The following CYP2C8 variants were observed in gnomAD, a reference collection of about 807,000 sequenced individuals.
CYP2C8 encodes cytochrome P450 family 2 subfamily C member 8.
A neutral mutation model predicts 41.3 loss-of-function variants in CYP2C8; 51 were observed. That is an observed-to-expected ratio of 1.24 (90% confidence interval 0.99 to 1.56). The LOEUF (loss-of-function observed/expected upper bound fraction) is 1.56, where lower values mean the gene tolerates loss of function less well. Ranked by LOEUF, CYP2C8 falls within the 40% of genes most tolerant of loss-of-function variation. CYP2C8 has a pLI of 0.00. For missense variants in CYP2C8, 651 were observed against 579.9 expected (o/e 1.12, Z -1.26); for synonymous variants, 218 against 205.8 (o/e 1.06, Z -0.51).
At chr10:95,047,188 C>T (rs760955066) in intron 5 of CYP2C8, among the ~76,000 whole-genome samples, 53 of 152,184 alleles carry the variant, frequency 3.5e-4, no homozygotes, top group Non-Finnish European at 6.5e-4. Flanking sequence ...CATGCTTGTA[C>T]AGCCTGCAGA....
rs559457460 is a variant in CYP2C8, at chr10:95,060,871, A to T, written c.643-2360T>A. ...AGACTGAAGTGCTGTTGAATTTTTTAAAAGGCCTTTTCTGCATCTATTGAG... is the reference window on the plus strand; with the variant it reads ...AGACTGAAGTGCTGTTGAATTTTTTTAAAGGCCTTTTCTGCATCTATTGAG... On this transcript the variant is annotated intron_variant, in intron 4 of 8. Transcript: ENST00000371270. 6.4e-4 allele frequency among the ~76,000 whole-genome samples: 98 copies of T among 152,182 alleles called. 2 individuals carry two copies. The South Asian group carries it at 0.02, about 30-fold the overall frequency.
At chr10:95,045,178 A>G (rs1470623908) in intron 6 of CYP2C8, among the ~76,000 whole-genome samples, 3 of 152,232 alleles carry the variant, frequency 2.0e-5, no homozygotes, top group Non-Finnish European at 2.9e-5. Context: ...TTCTAAAGAA[A>G]AGTTGTATGT....
At chr10:95,045,673 A>C (rs544611001) in intron 6 of CYP2C8, 137 bp downstream of exon 6, 9 of 1,067,850 alleles carry the variant, frequency 8.4e-6, no homozygotes, top group Non-Finnish European at 1.3e-5. Context: ...TTGTGTCATC[A>C]AATTTAGACA....
chr10:95,062,179 A>T (rs1434016628), intron 4 of CYP2C8, among the ~76,000 whole-genome samples: 1 of 152,132 alleles, frequency 6.6e-6, no homozygotes, highest in African/African-American at 2.4e-5. Context: ...AGCTGAGTTC[A>T]ATTCCTGGAT....
chr10:95,048,812 A>G (rs979593827), intron 5 of CYP2C8, among the ~76,000 whole-genome samples: 1 of 152,202 alleles, frequency 6.6e-6, no homozygotes, highest in African/African-American at 2.4e-5. Flanking sequence ...CACCACATAC[A>G]AAAATTAACT....
intron 5 of CYP2C8, among the ~76,000 whole-genome samples, chr10:95,054,171 A>G (rs1199480135): frequency 1.3e-5 from 2 of 151,998 alleles, no homozygotes; most frequent in African/African-American, 4.8e-5. Flanking sequence ...CAACTTGTAT[A>G]TTATGGATTT....
Position 95,069,360 on chromosome 10 carries a change from G to A in CYP2C8, c.43C>T (p.Leu15Phe), listed in dbSNP as rs1260275686. The change falls in exon 1 of 9, where the codon CTT (leucine) becomes TTT (phenylalanine). Residue 15 changes from leucine to phenylalanine, a missense_variant. Transcript: ENST00000371270. ...CTCTGTCTCCAGAGTGAAAAGAGAA[G>A]CATAAAAGAGAGACACAGCACCAGG... ...VVLVLCLSFM[L>F]LFSLWRQSCR... 1.2e-6 allele frequency: 2 copies of A among 1,614,136 alleles called. No individual in the cohort carries two copies.
At chr10:95,049,228 T>A (rs1178555211) in intron 5 of CYP2C8, among the ~76,000 whole-genome samples, 3 of 152,086 alleles carry the variant, frequency 2.0e-5, no homozygotes, top group Non-Finnish European at 2.9e-5. Context: ...AATTGAATGC[T>A]TCATTGATTA....
At position 95,036,887 on chromosome 10, in the gene CYP2C8, GC is replaced by G. The variant is rs1365448839; in HGVS notation, c.*240del. On this transcript the variant is annotated 3_prime_UTR_variant, in exon 9 of 9. Coordinates refer to ENST00000371270, the MANE Select transcript of CYP2C8 (RefSeq NM_000770.3). ...ACAGTGATAACATATTAAAAAGTCA[GC>G]ATTAGAAAAGTATTAGCATATGCAG... 5.6e-6 allele frequency: 3 copies of G among 531,772 alleles called. No homozygotes were observed. The highest frequency in any genetic ancestry group is 3.8e-5 in the African/African-American group (2 of 52,518). 32.9% of individuals were successfully genotyped at this position (531,772 alleles called of 1,614,324 possible).
At chr10:95,038,679 A>G (rs975381937) in intron 8 of CYP2C8, among the ~76,000 whole-genome samples, 4 of 152,094 alleles carry the variant, frequency 2.6e-5, no homozygotes, top group African/African-American at 9.7e-5. Context: ...TCATTTTCTC[A>G]ATTGGGAACA....
chr10:95,068,752 C>G (rs1329124962), intron 1 of CYP2C8: 2 of 576,974 alleles, frequency 3.5e-6, no homozygotes, highest in African/African-American at 3.9e-5. Context: ...CTATTTCTGA[C>G]AATGACAGAC....
chr10:95,069,251 C>T lies in CYP2C8; in HGVS notation c.152G>A (p.Cys51Tyr). Residue 51 changes from cysteine (C) to tyrosine (Y), a missense_variant, in exon 1 of 9, where the codon TGC (cysteine) becomes TAC (tyrosine). Coordinates refer to ENST00000371270, the MANE Select transcript of CYP2C8 (RefSeq NM_000770.3). ...CAGACTTACATTGGTGAAAGATTTG[C>T]AGATGTCCTTAACATCTATCTGTAG... ...NMLQIDVKDI[C>Y]KSFTNFSKVY... 1 of 1,614,030 alleles carries T rather than the reference C, an allele frequency of 6.2e-7. No homozygotes were observed. Among genetic ancestry groups the T allele is most frequent in the Non-Finnish European group, 8.5e-7 (1 of 1,179,946 alleles).
intron 1 of CYP2C8, chr10:95,068,552 T>A (rs753797273): frequency 2.4e-5 from 30 of 1,258,336 alleles, no homozygotes; most frequent in African/African-American, 1.1e-4. Flanking sequence ...ATGACTACTA[T>A]AGTAGAGAAC....
Position 95,069,480 on chromosome 10 carries a change from T to G in CYP2C8, c.-78A>C. The G allele has an allele frequency of 8.6e-7, 1 of 1,166,016 alleles. No homozygotes were observed. The highest frequency in any genetic ancestry group is 1.3e-6 in the Non-Finnish European group (1 of 783,412). 72.2% of individuals were successfully genotyped at this position (1,166,016 alleles called of 1,614,324 possible). On this transcript the variant is annotated 5_prime_UTR_variant, in exon 1 of 9. Coordinates refer to ENST00000371270, the MANE Select transcript of CYP2C8 (RefSeq NM_000770.3). Reference sequence around the variant, plus strand: ...TATAACACTCCCTGCTAATTTAGTGTGTGTCTCTTTGACATGTAAAGTAAA... The same window carrying G: ...TATAACACTCCCTGCTAATTTAGTGGGTGTCTCTTTGACATGTAAAGTAAA...
At chr10:95,068,174 C>A (rs1180031958) in intron 1 of CYP2C8, among the ~76,000 whole-genome samples, 2 of 152,192 alleles carry the variant, frequency 1.3e-5, no homozygotes, top group East Asian at 3.8e-4. Context: ...GATTCTGATA[C>A]AGCAGTCCTG....
intron 5 of CYP2C8, among the ~76,000 whole-genome samples, chr10:95,053,493 A>G (rs2033249582): frequency 6.6e-6 from 1 of 152,184 alleles, no homozygotes; most frequent in Non-Finnish European, 1.5e-5. Context: ...ACTATTTACA[A>G]TAGCAAAGAC....
At chr10:95,050,301 C>G (rs1278909612) in intron 5 of CYP2C8, among the ~76,000 whole-genome samples, 6 of 152,112 alleles carry the variant, frequency 3.9e-5, no homozygotes, top group African/African-American at 9.7e-5. Flanking sequence ...TAGTCCCTGG[C>G]TTCTGGGTGG....
chr10:95,043,888 A>T (rs1201142367), intron 6 of CYP2C8, among the ~76,000 whole-genome samples: 1 of 150,952 alleles, frequency 6.6e-6, no homozygotes, highest in Non-Finnish European at 1.5e-5. Context: ...ACACACACAC[A>T]TATACACACA....
chr10:95,037,060 G>C lies in CYP2C8; in HGVS notation c.*68C>G. 7.2e-7 allele frequency: 1 copy of C among 1,389,246 alleles called. No individual in the cohort carries two copies. Among genetic ancestry groups the C allele is most frequent in the South Asian group, 1.2e-5 (1 of 85,324 alleles). 86.1% of individuals were successfully genotyped at this position (1,389,246 alleles called of 1,614,324 possible). A position where few individuals can be genotyped will look rare whatever the true frequency, so the allele number is the denominator to read the frequency against. ...GAGAGGTCAGAGAAGACATAATAGT[G>C]GGAATGTCCTTGATAAAAAAAGAGT... On this transcript the variant is annotated 3_prime_UTR_variant, in exon 9 of 9. Coordinates refer to ENST00000371270, the MANE Select transcript of CYP2C8 (RefSeq NM_000770.3).
Sources: gnomAD v4.1 joint callset for allele counts (sites outside exome capture counted in the v4.1 genomes callset) on GRCh38, gnomAD v4.1.1 for gene constraint, MANE v1.5 for transcripts, NCBI Gene and HGNC (gene_info 2026-07-23, HGNC 2026-07-21) for gene names.